RHBDD1: variants seen among roughly 807,000 people sequenced by gnomAD.
RHBDD1 encodes rhomboid-related protein 4.
In RHBDD1, 38 loss-of-function variants were observed where a neutral mutation model predicts 36.3. The observed-to-expected ratio is 1.05, with a 90% confidence interval of 0.81 to 1.37. The LOEUF (loss-of-function observed/expected upper bound fraction) is 1.37. RHBDD1 is among the 40% of genes most tolerant of loss of function. RHBDD1 has a pLI of 0.00. For synonymous variants in RHBDD1, 151 were observed against 136.5 expected (o/e 1.11, Z -0.74); for missense variants, 393 against 377.6 (o/e 1.04, Z -0.34).
At chr2:226,936,531 T>G (rs1284721339) in intron 8 of RHBDD1, among the ~76,000 whole-genome samples, 1 of 152,102 alleles carries the variant, frequency 6.6e-6, no homozygotes, top group Non-Finnish European at 1.5e-5. Flanking sequence ...TAATAATCAT[T>G]TATTGAAAGG....
chr2:226,816,649 A>G, the RHBDD1 span, among the ~76,000 whole-genome samples: 2 of 152,198 alleles, frequency 1.3e-5, no homozygotes, highest in African/African-American at 4.8e-5. Context: ...TAATCCCAGC[A>G]CTTTGGCGGG....
chr2:226,974,526 C>T (rs886639273), intron 8 of RHBDD1, among the ~76,000 whole-genome samples: 21 of 152,178 alleles, frequency 1.4e-4, no homozygotes, highest in Non-Finnish European at 2.8e-4. Flanking sequence ...CGTGAGCCAC[C>T]GTGCCCGGCC....
chr2:226,986,080 C>G (rs1003686382), intron 8 of RHBDD1, among the ~76,000 whole-genome samples: 3 of 152,190 alleles, frequency 2.0e-5, no homozygotes, highest in Non-Finnish European at 4.4e-5. Context: ...TCACCAAAAC[C>G]CATAACCCCA....
At chr2:226,860,320 G>A (rs1943733772) in intron 3 of RHBDD1, among the ~76,000 whole-genome samples, 1 of 152,118 alleles carries the variant, frequency 6.6e-6, no homozygotes, top group African/African-American at 2.4e-5. Context: ...ATACAAGTTA[G>A]AATAATACAT....
intron 8 of RHBDD1, among the ~76,000 whole-genome samples, chr2:226,984,185 C>G (rs1189827178): frequency 1.3e-5 from 2 of 152,392 alleles, no homozygotes; most frequent in African/African-American, 4.8e-5. Flanking sequence ...ACCTGCTGAA[C>G]TACCAGTTGC....
intron 5 of RHBDD1, among the ~76,000 whole-genome samples, chr2:226,881,562 G>A (rs1304999731): frequency 3.3e-5 from 5 of 152,138 alleles, no homozygotes; most frequent in East Asian, 1.9e-4. Context: ...TTATTGGTAG[G>A]TCTTGGCTCC....
At chr2:226,811,969 C>G in the RHBDD1 span, among the ~76,000 whole-genome samples, 1 of 152,198 alleles carries the variant, frequency 6.6e-6, no homozygotes, top group South Asian at 2.1e-4. Context: ...GCTCCAGTCC[C>G]CAAAGTCTCT....
At chr2:226,844,300 C>T (rs1381366393) in intron 3 of RHBDD1, among the ~76,000 whole-genome samples, 1 of 151,694 alleles carries the variant, frequency 6.6e-6, no homozygotes, top group Non-Finnish European at 1.5e-5. Flanking sequence ...GGCCCCTTGC[C>T]AAAGACCGCA....
chr2:226,801,313 A>G, the RHBDD1 span, among the ~76,000 whole-genome samples: 4 of 152,162 alleles, frequency 2.6e-5, no homozygotes, highest in African/African-American at 9.7e-5. Context: ...CAAGCCTTGC[A>G]CTGCAGAGGG....
At chr2:226,990,386 G>C (rs1415155887) in intron 8 of RHBDD1, among the ~76,000 whole-genome samples, 1 of 152,148 alleles carries the variant, frequency 6.6e-6, no homozygotes. Context: ...TTATTTAGAG[G>C]TTTCCTGGTT....
chr2:226,908,512 G>A (rs1426383533), intron 6 of RHBDD1: 2 of 307,000 alleles, frequency 6.5e-6, no homozygotes, highest in Admixed American at 4.3e-5. Context: ...CATCAAAGCC[G>A]AGGCTTGGTA....
At chr2:226,947,000 G>A (rs1356844159) in intron 8 of RHBDD1, among the ~76,000 whole-genome samples, 3 of 152,228 alleles carry the variant, frequency 2.0e-5, no homozygotes, top group South Asian at 2.1e-4. Context: ...TGCAGAAAAG[G>A]CTTTCAATAA....
At chr2:226,916,428 A>T (rs567001422) in intron 8 of RHBDD1, among the ~76,000 whole-genome samples, 1 of 152,264 alleles carries the variant, frequency 6.6e-6, no homozygotes, top group South Asian at 2.1e-4. Flanking sequence ...TTATTCCTGT[A>T]CACACAGGTT....
At chr2:226,932,717 T>C (rs750418855) in intron 8 of RHBDD1, among the ~76,000 whole-genome samples, 15 of 152,098 alleles carry the variant, frequency 9.9e-5, no homozygotes, top group Non-Finnish European at 1.9e-4. Context: ...GATTAAGCCT[T>C]AGTCTTAAGC....
chr2:226,884,523 G>A (rs1377694409), intron 5 of RHBDD1, among the ~76,000 whole-genome samples: 1 of 151,994 alleles, frequency 6.6e-6, no homozygotes, highest in African/African-American at 2.4e-5. Context: ...TTTTAATTTT[G>A]TAGTCATTTA....
At chr2:226,853,911 AG>A (rs1296858667) in intron 3 of RHBDD1, among the ~76,000 whole-genome samples, 4 of 152,242 alleles carry the variant, frequency 2.6e-5, no homozygotes, top group Non-Finnish European at 5.9e-5. Context: ...TAGAATGGGC[AG>A]CTGGACAGTT....
chr2:226,997,825 A>G lies in RHBDD1; in HGVS notation c.*2303A>G, dbSNP rs578082742. ...AACCAATTACTTTAGCACAACAATA[A>G]AGATGTTCTGGAAATTATTATAATT... On this transcript the variant is annotated 3_prime_UTR_variant, in exon 9 of 9. Coordinates refer to ENST00000392062, the MANE Select transcript of RHBDD1 (RefSeq NM_001167608.3). 3.9e-5 allele frequency: 6 copies of G among 152,314 alleles called. No homozygotes were observed. The highest frequency in any genetic ancestry group is 1.2e-4 in the African/African-American group (5 of 41,572). The allele number at this position is 152,314 out of a possible 1,614,324, so 9.4% of individuals were successfully genotyped here.
At chr2:226,910,138 G>T (rs1575063607) in intron 7 of RHBDD1, among the ~76,000 whole-genome samples, 2 of 152,222 alleles carry the variant, frequency 1.3e-5, no homozygotes, top group South Asian at 4.1e-4. Flanking sequence ...ACAAAATAGG[G>T]CAGTTCTACT....
intron 8 of RHBDD1, among the ~76,000 whole-genome samples, chr2:226,977,065 C>G (rs1326133961): frequency 6.6e-6 from 1 of 152,142 alleles, no homozygotes; most frequent in East Asian, 1.9e-4. Flanking sequence ...CAGAAACAAG[C>G]CACTGCTCTC....
Sources: allele counts gnomAD v4.1 joint callset (sites outside exome capture counted in the v4.1 genomes callset), GRCh38; gene constraint gnomAD v4.1.1; transcripts MANE v1.5; gene names NCBI Gene and HGNC (gene_info 2026-07-23, HGNC 2026-07-21).